ASXL3: variants seen among roughly 807,000 people sequenced by gnomAD.
ASXL3 encodes putative Polycomb group protein ASXL3.
Under a neutral mutation model 170.6 loss-of-function variants are expected in ASXL3, and 34 were observed. The observed-to-expected ratio is 0.20, with a 90% CI of 0.15 to 0.27. ASXL3 has a LOEUF of 0.27. Among genes scored for constraint, ASXL3 ranks in the 10% least tolerant of loss-of-function variants. ASXL3 has a pLI of 1.00. For synonymous variants in ASXL3, 1,002 were observed against 989.1 expected (o/e 1.01, Z -0.24); for missense variants, 2,592 against 2,695.3 (o/e 0.96, Z 0.85).
chr18:33,671,243 GC>G (rs1288884219), intron 6 of ASXL3, among the ~76,000 whole-genome samples: 2 of 152,110 alleles, frequency 1.3e-5, no homozygotes, highest in East Asian at 3.9e-4. Flanking sequence ...TCACCCCAGT[GC>G]AGCCCTGACC....
chr18:33,677,661 T>C (rs1383417813), intron 7 of ASXL3, among the ~76,000 whole-genome samples: 1 of 152,192 alleles, frequency 6.6e-6, no homozygotes, highest in African/African-American at 2.4e-5. Context: ...AATATCGAAG[T>C]TGATAACATT....
At chr18:33,721,421 T>G (rs1394870490) in intron 8 of ASXL3, among the ~76,000 whole-genome samples, 1 of 152,108 alleles carries the variant, frequency 6.6e-6, no homozygotes, top group Non-Finnish European at 1.5e-5. Flanking sequence ...TATAGATAAT[T>G]GCATAAATGT....
intron 8 of ASXL3, among the ~76,000 whole-genome samples, chr18:33,705,224 A>G (rs1017784924): frequency 6.6e-6 from 1 of 151,776 alleles, no homozygotes; most frequent in Non-Finnish European, 1.5e-5. Flanking sequence ...AACATAAGAT[A>G]ACAATGAAGC....
intron 1 of ASXL3, among the ~76,000 whole-genome samples, chr18:33,596,578 A>C (rs536294962): frequency 1.3e-5 from 2 of 152,340 alleles, no homozygotes; most frequent in South Asian, 2.1e-4. Context: ...TTCTTCTGGC[A>C]GATACATCTG....
chr18:33,649,253 G>C (rs1006228930), intron 4 of ASXL3, among the ~76,000 whole-genome samples: 2 of 152,100 alleles, frequency 1.3e-5, no homozygotes, highest in African/African-American at 4.8e-5. Context: ...AGCAAATGGA[G>C]AGATTGGTCT....
At chr18:33,614,456 C>T (rs995452572) in intron 2 of ASXL3, 2 of 152,172 alleles carry the variant, frequency 1.3e-5, no homozygotes, top group Non-Finnish European at 2.9e-5. Flanking sequence ...AGTTCCACCA[C>T]TGAAGTGTTG....
At chr18:33,702,982 G>T (rs1436661858) in intron 8 of ASXL3, among the ~76,000 whole-genome samples, 2 of 152,084 alleles carry the variant, frequency 1.3e-5, no homozygotes, top group Non-Finnish European at 2.9e-5. Flanking sequence ...GGCATAAATT[G>T]CTCCATAGTC....
At chr18:33,730,237 C>T (rs1470034870) in intron 8 of ASXL3, among the ~76,000 whole-genome samples, 1 of 151,934 alleles carries the variant, frequency 6.6e-6, no homozygotes, top group Non-Finnish European at 1.5e-5. Flanking sequence ...AGGACATGCC[C>T]CCACTAAAAA....
At chr18:33,643,608 A>G (rs1029539152) in intron 2 of ASXL3, among the ~76,000 whole-genome samples, 1 of 152,044 alleles carries the variant, frequency 6.6e-6, no homozygotes, top group East Asian at 1.9e-4. Flanking sequence ...ACCATGATGT[A>G]TATATATGCT....
intron 8 of ASXL3, among the ~76,000 whole-genome samples, chr18:33,729,150 C>T (rs749606994): frequency 2.6e-5 from 4 of 152,146 alleles, no homozygotes; most frequent in Admixed American, 1.3e-4. Flanking sequence ...TAGGACAGGT[C>T]ATTTTAAAGC....
chr18:33,685,141 C>G (rs551163540), intron 8 of ASXL3, among the ~76,000 whole-genome samples: 1 of 152,180 alleles, frequency 6.6e-6, no homozygotes, highest in Admixed American at 6.5e-5. Context: ...GGAAATTATT[C>G]TGACAGTACT....
chr18:33,633,938 G>A (rs1187619178), intron 2 of ASXL3, among the ~76,000 whole-genome samples: 1 of 150,976 alleles, frequency 6.6e-6, no homozygotes, highest in East Asian at 2.0e-4. Context: ...AGCAAAAAAT[G>A]TTTTCATTTG....
rs367698014 is a variant in ASXL3, at chr18:33,647,726, T to C, written c.355+1373T>C. Among the ~76,000 whole-genome samples, 3 of 152,090 alleles carry C rather than the reference T, an allele frequency of 2.0e-5. 1 individual carries two copies. The East Asian group carries it at 5.8e-4, about 29-fold the overall frequency. On this transcript the variant is annotated intron_variant, in intron 4 of 11. Transcript: ENST00000269197. ...CAAGTACTATTCTTGACATTGCAGT[T>C]ACAGCAGTGAAAAACAAAAGCAAAT...
chr18:33,591,473 T>C (rs143653276), intron 1 of ASXL3, among the ~76,000 whole-genome samples: 50 of 152,318 alleles, frequency 3.3e-4, no homozygotes, highest in Admixed American at 9.1e-4. Flanking sequence ...TCTCCTATTC[T>C]CATCCTTTCT....
At position 33,740,200 on chromosome 18, in the gene ASXL3, T is replaced by A; in HGVS notation, c.2796T>A (p.Ser932Arg). The stretch of plus-strand genomic sequence containing the variant: ...CACATAAGCAAGGGAGTACACAGAG[T>A]CGGTTAGAAACCTCACATACTTCCA... ...NKTHKQGSTQ[S>R]RLETSHTSKS... Residue 932 changes from serine (S) to arginine (R), a missense_variant, in exon 11 of 12, where the codon AGT becomes AGA. By Grantham distance (110) the Ser-to-Arg change is moderately radical (BLOSUM62 -1). Around this residue, in one of 4 missense-constraint regions of ASXL3, gnomAD observed 2,246 missense variants for 2,219.6 expected, o/e 1.01. Coordinates refer to ENST00000269197, the MANE Select transcript of ASXL3 (RefSeq NM_030632.3). 6.2e-7 allele frequency: 1 copy of A among 1,612,960 alleles called. No individual in the cohort carries two copies. Among genetic ancestry groups the A allele is most frequent in the Non-Finnish European group, 8.5e-7 (1 of 1,179,624 alleles).
At chr18:33,671,095 TG>T (rs2066333511) in intron 6 of ASXL3, among the ~76,000 whole-genome samples, 1 of 152,180 alleles carries the variant, frequency 6.6e-6, no homozygotes, top group Non-Finnish European at 1.5e-5. Context: ...GTTTGAATGT[TG>T]AACTTTAAGG....
chr18:33,676,155 C>T (rs1445091992), intron 7 of ASXL3, among the ~76,000 whole-genome samples: 1 of 135,014 alleles, frequency 7.4e-6, no homozygotes, highest in East Asian at 2.3e-4. Context: ...ACCCGGGAGG[C>T]GGAGCTTGCA....
At chr18:33,609,876 T>C (rs2065307264) in intron 2 of ASXL3, among the ~76,000 whole-genome samples, 2 of 152,058 alleles carry the variant, frequency 1.3e-5, no homozygotes, top group Non-Finnish European at 2.9e-5. Context: ...GGCCTCAGAC[T>C]ATGCATTTTG....
intron 1 of ASXL3, among the ~76,000 whole-genome samples, chr18:33,588,058 T>C (rs2065048674): frequency 1.3e-5 from 2 of 152,164 alleles, no homozygotes. Flanking sequence ...CTACTTAGTG[T>C]GTATGTGTGT....
Sources: allele counts gnomAD v4.1 joint callset (sites outside exome capture counted in the v4.1 genomes callset), GRCh38; gene constraint gnomAD v4.1.1; regional missense constraint gnomAD v4.1.1; transcripts MANE v1.5; gene names NCBI Gene and HGNC (gene_info 2026-07-23, HGNC 2026-07-21).